Variants in CHLSN observed in about 807,000 individuals in gnomAD.
The protein encoded by CHLSN is protein cholesin.
At chr7:997,812 G>T in the CHLSN span, 1 of 1,603,120 alleles carries the variant, frequency 6.2e-7, no homozygotes, top group Non-Finnish European at 8.5e-7. Context: ...AACCTGGACG[G>T]GAAAGAGATC....
the CHLSN span, among the ~76,000 whole-genome samples, chr7:1,007,801 G>GGAGGGT: frequency 6.6e-6 from 1 of 152,184 alleles, no homozygotes; most frequent in South Asian, 2.1e-4. Context: ...GAGGGGGAGA[G>GGAGGGT]GAGGGTGAGG....
chr7:1,116,596 C>G, the CHLSN span, among the ~76,000 whole-genome samples: 1 of 91,772 alleles, frequency 1.1e-5, no homozygotes, highest in Non-Finnish European at 2.2e-5. Flanking sequence ...TACGGACCGG[C>G]TTCCATCACC....
At chr7:1,000,319 GA>G in the CHLSN span, 1 of 605,076 alleles carries the variant, frequency 1.7e-6, no homozygotes, top group South Asian at 2.1e-5. Flanking sequence ...GCCCCCGGGA[GA>G]CGTGCCTGCC....
the CHLSN span, chr7:983,068 G>C: frequency 1.5e-6 from 1 of 678,818 alleles, no homozygotes; most frequent in African/African-American, 1.9e-5. Flanking sequence ...GCCATCCGCT[G>C]GGGGCTGCCC....
the CHLSN span, among the ~76,000 whole-genome samples, chr7:1,095,753 C>T: frequency 6.6e-6 from 1 of 152,226 alleles, no homozygotes; most frequent in Non-Finnish European, 1.5e-5. Context: ...GGTGACACAG[C>T]CAGGAATTCA....
chr7:1,125,791 G>A, the CHLSN span, among the ~76,000 whole-genome samples: 1 of 152,194 alleles, frequency 6.6e-6, no homozygotes, highest in South Asian at 2.1e-4. Context: ...CCCTTCCACG[G>A]GGTGGTAACA....
chr7:1,134,254 C>A, the CHLSN span, among the ~76,000 whole-genome samples: 1 of 149,850 alleles, frequency 6.7e-6, no homozygotes, highest in Non-Finnish European at 1.5e-5. Flanking sequence ...GCCTCGGCGA[C>A]AGAGTGAGAG....
At chr7:1,130,594 C>T in the CHLSN span, among the ~76,000 whole-genome samples, 8 of 152,100 alleles carry the variant, frequency 5.3e-5, no homozygotes, top group African/African-American at 1.7e-4. Context: ...ACACTCCTCC[C>T]TACACTCCTC....
the CHLSN span, among the ~76,000 whole-genome samples, chr7:985,799 T>C: frequency 6.6e-6 from 1 of 152,216 alleles, no homozygotes; most frequent in Non-Finnish European, 1.5e-5. Flanking sequence ...GTATTTGATG[T>C]GCGTTTACCG....
At chr7:1,016,904 A>G in the CHLSN span, among the ~76,000 whole-genome samples, 289 of 82,962 alleles carry the variant, frequency 3.5e-3, 1 homozygote, top group African/African-American at 9.9e-3. Context: ...GCACAGCAGC[A>G]CACGCCAGCG....
chr7:999,934 C>G, the CHLSN span, among the ~76,000 whole-genome samples: 3 of 152,248 alleles, frequency 2.0e-5, no homozygotes, highest in Non-Finnish European at 4.4e-5. Flanking sequence ...TCACATCCTG[C>G]CCCTGAAAAG....
At chr7:1,125,111 G>A in the CHLSN span, among the ~76,000 whole-genome samples, 3 of 152,248 alleles carry the variant, frequency 2.0e-5, no homozygotes, top group Admixed American at 6.5e-5. Flanking sequence ...CGTGGTGGAC[G>A]TGATTTCACA....
At chr7:1,116,662 C>T in the CHLSN span, among the ~76,000 whole-genome samples, 14 of 49,408 alleles carry the variant, frequency 2.8e-4, no homozygotes, top group African/African-American at 5.7e-4. Context: ...CTTCCATCAC[C>T]GACGTCCACG....
the CHLSN span, chr7:1,000,570 A>C: frequency 6.3e-7 from 1 of 1,590,672 alleles, no homozygotes; most frequent in South Asian, 1.1e-5. Flanking sequence ...AGAAAGACAA[A>C]CATCTCAGGG....
At chr7:1,093,602 T>C in the CHLSN span, 1 of 471,128 alleles carries the variant, frequency 2.1e-6, no homozygotes, top group Non-Finnish European at 4.4e-6. Context: ...TGCACTCATG[T>C]GGACTGGGAC....
the CHLSN span, among the ~76,000 whole-genome samples, chr7:998,487 G>C: frequency 2.2e-5 from 3 of 133,634 alleles, no homozygotes; most frequent in East Asian, 4.2e-4. Flanking sequence ...TTTTGAGCCG[G>C]TCTTGCTCTG....
At chr7:1,007,281 G>A in the CHLSN span, among the ~76,000 whole-genome samples, 1 of 152,218 alleles carries the variant, frequency 6.6e-6, no homozygotes, top group Non-Finnish European at 1.5e-5. Context: ...GGGCCACGGC[G>A]GCCAGCATGT....
At chr7:1,088,075 G>C in the CHLSN span, 1 of 152,346 alleles carries the variant, frequency 6.6e-6, no homozygotes, top group African/African-American at 2.4e-5. The surrounding 1 kb of genome is among the most constrained non-coding windows in gnomAD (Gnocchi z 4.5). Flanking sequence ...GAGCGGGGCG[G>C]AGGGGGCCTA....
the CHLSN span, among the ~76,000 whole-genome samples, chr7:1,065,804 A>G: frequency 6.6e-6 from 1 of 152,224 alleles, no homozygotes; most frequent in African/African-American, 2.4e-5. Flanking sequence ...TCTCATGGGA[A>G]AGGGACAGGG....
Sources: gnomAD v4.1 joint callset for allele counts (sites outside exome capture counted in the v4.1 genomes callset) on GRCh38, gnomAD v4.1.1 for gene constraint, Gnocchi (gnomAD v3.1) non-coding constraint, MANE v1.5 for transcripts, NCBI Gene and HGNC (gene_info 2026-07-23, HGNC 2026-07-21) for gene names.